SH3GL3: variants seen among roughly 807,000 people sequenced by gnomAD.
The protein encoded by SH3GL3 is endophilin-A3.
SH3GL3 carries 33 observed loss-of-function variants against 47.7 expected under a neutral mutation model. That is an observed-to-expected ratio of 0.69 (90% CI 0.52 to 0.92). The LOEUF (loss-of-function observed/expected upper bound fraction) is 0.92. Among genes scored for constraint, SH3GL3 ranks in the 40% least tolerant of loss-of-function variants. SH3GL3 has a pLI of 0.00. For missense variants in SH3GL3, 363 were observed against 417.8 expected (o/e 0.87, Z 1.14); for synonymous variants, 155 against 148.8 (o/e 1.04, Z -0.30).
At chr15:83,610,946 T>C (rs2060644057) in intron 8 of SH3GL3, among the ~76,000 whole-genome samples, 1 of 151,782 alleles carries the variant, frequency 6.6e-6, no homozygotes, top group African/African-American at 2.4e-5. Context: ...CATATGCAAG[T>C]AACCCTTTGC....
intron 1 of SH3GL3, among the ~76,000 whole-genome samples, chr15:83,512,492 C>G (rs528267254): frequency 6.6e-6 from 1 of 152,124 alleles, no homozygotes; most frequent in African/African-American, 2.4e-5. Context: ...CCTGGAAGCG[C>G]GCTGCTTTCT....
chr15:83,628,613 GGTGCCTGTAATCCCA>G, the SH3GL3 span, among the ~76,000 whole-genome samples: 66 of 152,182 alleles, frequency 4.3e-4, no homozygotes, highest in African/African-American at 1.5e-3. Context: ...AGTGGTGGCA[GGTGCCTGTAATCCCA>G]GCTACTCAGG....
intron 1 of SH3GL3, among the ~76,000 whole-genome samples, chr15:83,536,626 C>A (rs1300084444): frequency 6.6e-6 from 1 of 151,940 alleles, no homozygotes; most frequent in Non-Finnish European, 1.5e-5. Flanking sequence ...TGGTCTTGAA[C>A]TTCTGACTTT....
At chr15:83,485,806 C>T (rs946317687) in intron 1 of SH3GL3, among the ~76,000 whole-genome samples, 2 of 152,100 alleles carry the variant, frequency 1.3e-5, no homozygotes, top group Non-Finnish European at 2.9e-5. Flanking sequence ...CGGAAGTTTA[C>T]TTTTTACTGC....
At chr15:83,540,488 C>A (rs2044104861) in intron 1 of SH3GL3, among the ~76,000 whole-genome samples, 1 of 152,030 alleles carries the variant, frequency 6.6e-6, no homozygotes, top group Non-Finnish European at 1.5e-5. Context: ...TGTTATGTCT[C>A]TTTTAAATTG....
intron 8 of SH3GL3, among the ~76,000 whole-genome samples, chr15:83,610,424 T>C (rs2060629610): frequency 6.6e-6 from 1 of 152,072 alleles, no homozygotes; most frequent in Admixed American, 6.5e-5. Context: ...TCCCAGGTAC[T>C]CAGGAGGCTA....
downstream of SH3GL3, among the ~76,000 whole-genome samples, chr15:83,622,508 A>G (rs1287438945): frequency 6.6e-6 from 1 of 152,266 alleles, no homozygotes; most frequent in East Asian, 1.9e-4. Context: ...AACTTTAATG[A>G]TAACAACAAC....
chr15:83,536,323 C>A (rs1178345986), intron 1 of SH3GL3, among the ~76,000 whole-genome samples: 2 of 152,008 alleles, frequency 1.3e-5, no homozygotes, highest in Admixed American at 6.5e-5. Flanking sequence ...TGGGGCCAAA[C>A]CTTTTTCTGT....
chr15:83,526,905 T>C (rs1177111816), intron 1 of SH3GL3, among the ~76,000 whole-genome samples: 2 of 152,214 alleles, frequency 1.3e-5, no homozygotes, highest in Non-Finnish European at 2.9e-5. Context: ...ATCAATGTTT[T>C]GTAATTTTCC....
At chr15:83,622,402 A>G (rs1418693405), downstream of SH3GL3, among the ~76,000 whole-genome samples, 5 of 152,264 alleles carry the variant, frequency 3.3e-5, no homozygotes, top group Admixed American at 1.3e-4. Flanking sequence ...ACCAAAGGGC[A>G]TCAGAACTGC....
intron 1 of SH3GL3, among the ~76,000 whole-genome samples, chr15:83,506,780 G>A (rs920493162): frequency 6.6e-6 from 1 of 151,882 alleles, no homozygotes; most frequent in African/African-American, 2.4e-5. Flanking sequence ...TTTGTTTCTG[G>A]TGTGAATTGG....
chr15:83,625,061 C>T, the SH3GL3 span, among the ~76,000 whole-genome samples: 3 of 152,066 alleles, frequency 2.0e-5, no homozygotes, highest in African/African-American at 4.8e-5. Context: ...GAGTTCAAGA[C>T]CAGCCTGGCC....
intron 1 of SH3GL3, among the ~76,000 whole-genome samples, chr15:83,557,533 C>T (rs1275025709): frequency 6.6e-6 from 1 of 152,238 alleles, no homozygotes; most frequent in East Asian, 1.9e-4. Flanking sequence ...TTATTGGACT[C>T]CTGTTCCCAT....
downstream of SH3GL3, among the ~76,000 whole-genome samples, chr15:83,619,757 C>T (rs770572167): frequency 2.0e-5 from 3 of 152,156 alleles, no homozygotes; most frequent in Non-Finnish European, 4.4e-5. Flanking sequence ...ACTGACTGAT[C>T]AGGGTGGGGT....
intron 3 of SH3GL3, among the ~76,000 whole-genome samples, chr15:83,566,605 T>C (rs1342949446): frequency 3.3e-5 from 5 of 152,164 alleles, no homozygotes; most frequent in Admixed American, 3.3e-4. Context: ...CAAGACTCTA[T>C]GTCTACAAAA....
At position 83,604,151 on chromosome 15, in the gene SH3GL3, GAAAA is replaced by G. The variant is rs947667431; in HGVS notation, c.839-13923_839-13920del. ...ACAAGAGTGAAACTCTGTCTAAAAAGAAAAAAAAAAAGAAGCTAGGTATAAGCAA... is the reference window on the plus strand; with the variant it reads ...ACAAGAGTGAAACTCTGTCTAAAAAGAAAAAAAGAAGCTAGGTATAAGCAA... On this transcript the variant is annotated intron_variant, in intron 8 of 8. Coordinates refer to ENST00000427482, the MANE Select transcript of SH3GL3 (RefSeq NM_003027.5). Among the ~76,000 whole-genome samples, 3 of 140,904 alleles carry G rather than the reference GAAAA, an allele frequency of 2.1e-5. No individual in the cohort carries two copies. The East Asian group carries it at 6.2e-4, about 29-fold the overall frequency. 92.4% of individuals were successfully genotyped at this position (140,904 alleles called of 152,430 possible). A position where few individuals can be genotyped will look rare whatever the true frequency, so the allele number is the denominator to read the frequency against.
Position 83,618,660 on chromosome 15 carries a change from G to T in SH3GL3, c.*373G>T. 4.6e-6 allele frequency: 1 copy of T among 217,500 alleles called. No individual in the cohort carries two copies. The highest frequency in any genetic ancestry group is 9.3e-6 in the Non-Finnish European group (1 of 107,102). 13.5% of individuals were successfully genotyped at this position (217,500 alleles called of 1,614,324 possible). A position where few individuals can be genotyped will look rare whatever the true frequency, so the allele number is the denominator to read the frequency against. The stretch of plus-strand genomic sequence containing the variant: ...AAATATTTTGTTTCTCGACATTCCT[G>T]ATGACGTCTGGTCTTTTCTTTTCAT... On this transcript the variant is annotated 3_prime_UTR_variant, in exon 9 of 9. Coordinates refer to ENST00000427482, the MANE Select transcript of SH3GL3 (RefSeq NM_003027.5).
chr15:83,567,467 A>T (rs746372146), intron 3 of SH3GL3, among the ~76,000 whole-genome samples: 3 of 152,160 alleles, frequency 2.0e-5, no homozygotes, highest in Non-Finnish European at 4.4e-5. Flanking sequence ...CAGTGCAACA[A>T]TGAGTAAATA....
intron 1 of SH3GL3, among the ~76,000 whole-genome samples, chr15:83,536,905 T>G (rs966638306): frequency 3.9e-5 from 6 of 152,202 alleles, no homozygotes; most frequent in African/African-American, 7.2e-5. Context: ...CATTCTAAAG[T>G]TTCCTCTTTG....
Sources: gnomAD v4.1 joint callset for allele counts (sites outside exome capture counted in the v4.1 genomes callset) on GRCh38, gnomAD v4.1.1 for gene constraint, MANE v1.5 for transcripts, NCBI Gene and HGNC (gene_info 2026-07-23, HGNC 2026-07-21) for gene names.